Variants in CARF observed in about 807,000 individuals in gnomAD.
CARF encodes the protein calcium-responsive transcription factor.
In CARF, 57 loss-of-function variants were observed where a neutral mutation model predicts 82.0. That is an observed-to-expected ratio of 0.70 (90% CI 0.56 to 0.87). The LOEUF (loss-of-function observed/expected upper bound fraction) is 0.87, where lower values mean the gene tolerates loss of function less well. Among genes scored for constraint, CARF ranks in the 40% least tolerant of loss-of-function variants. The probability of loss-of-function intolerance (pLI) is 0.00; values close to 1 mark genes in which losing one functional copy is unlikely to be tolerated. For missense variants in CARF, 771 were observed against 855.8 expected (o/e 0.90, Z 1.24); for synonymous variants, 268 against 290.1 (o/e 0.92, Z 0.77).
chr2:202,940,460 T>C (rs1459639780), intron 3 of CARF, among the ~76,000 whole-genome samples: 1 of 152,228 alleles, frequency 6.6e-6, no homozygotes, highest in African/African-American at 2.4e-5. Flanking sequence ...CTTTAGGGGC[T>C]GTCTGAATCT....
At chr2:202,979,878 T>C (rs1574806499) in intron 14 of CARF, among the ~76,000 whole-genome samples, 1 of 152,138 alleles carries the variant, frequency 6.6e-6, no homozygotes, top group South Asian at 2.1e-4. Flanking sequence ...AGTGCTTAAA[T>C]CCATTCTTCT....
intron 9 of CARF, 144 bp from the exon 10 acceptor site, chr2:202,966,834 G>T: frequency 1.6e-6 from 1 of 636,824 alleles, no homozygotes; most frequent in South Asian, 3.2e-5. Context: ...GTTTGTATAT[G>T]TAAGTAAGAC....
In CARF at chr2:202,983,964, C is replaced by A. The variant is rs1328022967; in HGVS notation, c.*340C>A. ...ATATTCAATTTTGGTTATTACAAAA[C>A]AGAAAAGAACAACAGCAACAAAAAC... On this transcript the variant is annotated 3_prime_UTR_variant, in exon 17 of 17. Coordinates refer to ENST00000438828, the MANE Select transcript of CARF (RefSeq NM_024744.17). The A allele has an allele frequency of 1.7e-5, 3 of 180,030 alleles. No homozygotes were observed. Among genetic ancestry groups the A allele is most frequent in the Non-Finnish European group, 3.4e-5 (3 of 87,628 alleles). The allele number at this position is 180,030 out of a possible 1,614,324, so 11.2% of individuals were successfully genotyped here.
chr2:202,954,864 A>T (rs74587329), intron 7 of CARF, among the ~76,000 whole-genome samples: 1 of 151,530 alleles, frequency 6.6e-6, no homozygotes. Flanking sequence ...AAAAAAAAAA[A>T]TTAGCCGGGC....
At chr2:202,925,230 G>T in intron 3 of CARF, 1 of 361,350 alleles carries the variant, frequency 2.8e-6, no homozygotes, top group South Asian at 2.4e-5. Flanking sequence ...TCATCAAGAA[G>T]GATATGAATG....
In CARF at chr2:202,980,616, GTATATATATATATATATATATATATA is replaced by G. The variant is rs34656288; in HGVS notation, c.1559-918_1559-893del. Among the ~76,000 whole-genome samples the G allele has an allele frequency of 6.9e-3, 295 of 42,596 alleles. 8 individuals carry two copies. The highest frequency in any genetic ancestry group is 0.021 in the South Asian group (25 of 1,176). The allele number at this position is 42,596 out of a possible 152,430, so 27.9% of individuals were successfully genotyped here. A position where few individuals can be genotyped will look rare whatever the true frequency, so the allele number is the denominator to read the frequency against. On this transcript the variant is annotated intron_variant, in intron 14 of 16. Coordinates refer to ENST00000438828, the MANE Select transcript of CARF (RefSeq NM_024744.17). ...GAGTTACAGATATAGCGTCTTTCAA[GTATATATATATATATATATATATATA>G]TATATATATATATATATATAGTTGT...
chr2:202,966,105 G>C (rs1574729249), intron 9 of CARF, among the ~76,000 whole-genome samples: 1 of 152,182 alleles, frequency 6.6e-6, no homozygotes, highest in Admixed American at 6.5e-5. Context: ...ATTCAAGCAA[G>C]AGTAAGAGAG....
intron 5 of CARF, among the ~76,000 whole-genome samples, chr2:202,947,987 T>G (rs1390424350): frequency 3.3e-5 from 5 of 152,174 alleles, no homozygotes; most frequent in Admixed American, 3.3e-4. Context: ...TAGTTTTGGG[T>G]TTTATATTTA....
rs1392797695 is a variant in CARF at position 202,967,050 on chromosome 2, A to G, written c.905A>G (p.Glu302Gly). 6.2e-7 allele frequency: 1 copy of G among 1,614,102 alleles called. No homozygotes were observed. The highest frequency in any genetic ancestry group is 1.3e-5 in the African/African-American group (1 of 75,046). Reference protein sequence around the residue: ...RKGFQLKKVSEQESRSCQLYK... With the variant: ...RKGFQLKKVSGQESRSCQLYK... ...GGTTTCCAGTTAAAAAAAGTCAGTG[A>G]GCAGGAAAGCAGGTCTTGTCAGCTC... The change falls in exon 10 of 17, where the codon GAG becomes GGG. Residue 302 changes from glutamate (E) to glycine (G), a missense_variant. Glu to Gly is a moderately conservative substitution (Grantham distance 98). Coordinates refer to ENST00000438828, the MANE Select transcript of CARF (RefSeq NM_024744.17).
In CARF at chr2:202,912,681, A is replaced by G. The variant is rs1574420452; in HGVS notation, c.-751A>G. 2 of 150,672 alleles carry G rather than the reference A, an allele frequency of 1.3e-5. No homozygotes were observed. Among genetic ancestry groups the G allele is most frequent in the Non-Finnish European group, 1.5e-5 (1 of 67,510 alleles). The allele number at this position is 150,672 out of a possible 1,614,324, so 9.3% of individuals were successfully genotyped here. ...CAGGCCCCAGAGGGGCAGGCTGGAG[A>G]AGGAGGAGGTTAGGTGTCTTCAGGA... On this transcript the variant is annotated 5_prime_UTR_variant, in exon 1 of 17. Coordinates refer to ENST00000438828, the MANE Select transcript of CARF (RefSeq NM_024744.17).
At chr2:202,918,289 G>A (rs1690100046) in intron 2 of CARF, among the ~76,000 whole-genome samples, 1 of 152,152 alleles carries the variant, frequency 6.6e-6, no homozygotes, top group South Asian at 2.1e-4. Flanking sequence ...GGGAGGCCGA[G>A]GTGGGCGGAT....
intron 14 of CARF, among the ~76,000 whole-genome samples, chr2:202,980,615 A>AG (rs758180532): frequency 0.3 from 11,994 of 39,364 alleles, 1,246 homozygotes; most frequent in Non-Finnish European, 0.35. Context: ...GCGTCTTTCA[A>AG]GTATATATAT....
In CARF at chr2:202,986,899, T is replaced by TATATACATATATATATATATATAC. The variant is rs1553584733; in HGVS notation, c.*3280_*3281insCATATATATATATATATACATATA. ...ATATATATATATATATATATATATA[T>TATATACATATATATATATATATAC]ATATATATAGCAACTTGATGTATAG... On this transcript the variant is annotated 3_prime_UTR_variant, in exon 17 of 17. Coordinates refer to ENST00000438828, the MANE Select transcript of CARF (RefSeq NM_024744.17). The TATATACATATATATATATATATAC allele has an allele frequency of 2.9e-5, 4 of 138,126 alleles. No individual in the cohort carries two copies. Among genetic ancestry groups the TATATACATATATATATATATATAC allele is most frequent in the Admixed American group, 7.5e-5 (1 of 13,246 alleles). The allele number at this position is 138,126 out of a possible 1,614,324, so 8.6% of individuals were successfully genotyped here. A position where few individuals can be genotyped will look rare whatever the true frequency, so the allele number is the denominator to read the frequency against.
intron 10 of CARF, among the ~76,000 whole-genome samples, chr2:202,968,693 A>G (rs906648970): frequency 6.6e-6 from 1 of 152,090 alleles, no homozygotes; most frequent in African/African-American, 2.4e-5. Flanking sequence ...TTGACTGTCT[A>G]CTCTGTGCCC....
At chr2:202,923,825 C>T (rs577799479) in intron 2 of CARF, among the ~76,000 whole-genome samples, 2 of 152,156 alleles carry the variant, frequency 1.3e-5, no homozygotes, top group African/African-American at 2.4e-5. Flanking sequence ...AACCCACATA[C>T]GTAACAGCCA....
At chr2:202,977,079 A>G (rs1436783609) in intron 13 of CARF, among the ~76,000 whole-genome samples, 190 bp from the exon 14 acceptor site, 7 of 152,208 alleles carry the variant, frequency 4.6e-5, no homozygotes, top group Non-Finnish European at 8.8e-5. Flanking sequence ...AATCCTTGCT[A>G]TCTGAACTCA....
chr2:202,945,390 T>G (rs1396427696), intron 5 of CARF, among the ~76,000 whole-genome samples: 1 of 152,190 alleles, frequency 6.6e-6, no homozygotes, highest in South Asian at 2.1e-4. Context: ...ACACTCAGAT[T>G]GTACAAGTTA....
rs1252303391 is a variant in CARF, at chr2:202,947,219, A to ACTAC, written c.306+4254_306+4257dup. Among the ~76,000 whole-genome samples the ACTAC allele has an allele frequency of 3.3e-5, 5 of 152,328 alleles. No homozygotes were observed. The South Asian group carries it at 6.2e-4, about 19-fold the overall frequency. ...CTGTTTACAATAGCAAAGTCTTGGA[A>ACTAC]CTACCCCAAATGCCCATCAATGATA... On this transcript the variant is annotated intron_variant, in intron 5 of 16. Coordinates refer to ENST00000438828, the MANE Select transcript of CARF (RefSeq NM_024744.17).
At chr2:202,917,207 T>C (rs1689869908) in intron 1 of CARF, among the ~76,000 whole-genome samples, 1 of 39,244 alleles carries the variant, frequency 2.5e-5, no homozygotes, top group Non-Finnish European at 4.7e-5. Flanking sequence ...CGAGACTCCG[T>C]CTCAAAAAAA....
Sources: allele counts gnomAD v4.1 joint callset (sites outside exome capture counted in the v4.1 genomes callset), GRCh38; gene constraint gnomAD v4.1.1; transcripts MANE v1.5; gene names NCBI Gene and HGNC (gene_info 2026-07-23, HGNC 2026-07-21).